Variants in SLC27A5 observed in about 807,000 individuals in gnomAD.
SLC27A5 encodes the protein solute carrier family 27 member 5.
A neutral mutation model predicts 63.1 loss-of-function variants in SLC27A5; 47 were observed. That is an observed-to-expected ratio of 0.74 (90% confidence interval 0.59 to 0.95). The LOEUF (loss-of-function observed/expected upper bound fraction) is 0.95, where lower values mean the gene tolerates loss of function less well. Among genes scored for constraint, SLC27A5 ranks in the 40% least tolerant of loss-of-function variants. The pLI is 0.00. For missense variants in SLC27A5, 940 were observed against 921.0 expected (o/e 1.02, Z -0.27); for synonymous variants, 391 against 403.8 (o/e 0.97, Z 0.38).
intron 3 of SLC27A5, among the ~76,000 whole-genome samples, chr19:58,501,954 A>G (rs538983341): frequency 2.5e-4 from 38 of 152,366 alleles, no homozygotes; most frequent in Non-Finnish European, 4.3e-4. Context: ...CTGTGATTAC[A>G]GGCATGAGCC....
intron 3 of SLC27A5, among the ~76,000 whole-genome samples, chr19:58,505,905 C>A (rs2053340876): frequency 6.6e-6 from 1 of 151,278 alleles, no homozygotes; most frequent in South Asian, 2.1e-4. Flanking sequence ...GTAATCCCAG[C>A]ACTTTGGGAG....
Position 58,511,625 on chromosome 19 carries a change from GC to G in SLC27A5, c.330del (p.Gln111SerfsTer7). 1 of 1,596,250 alleles carries G rather than the reference GC, an allele frequency of 6.3e-7. No homozygotes were observed. The highest frequency in any genetic ancestry group is 1.1e-5 in the South Asian group (1 of 88,920). On this transcript the variant is annotated frameshift_variant, in exon 1 of 10. Transcript: ENST00000263093. LOFTEE classifies it high-confidence loss of function. ...LGLKIRGCLS[R>X]QPPDTFVDAF... ...GCATCTACAAAGGTGTCAGGCGGCT[GC>G]CGGCTCAAGCATCCCCTGATCTTCA... is the stretch of plus-strand genomic sequence containing the variant.
At chr19:58,507,559 A>G (rs775721905) in intron 3 of SLC27A5, 1 of 152,190 alleles carries the variant, frequency 6.6e-6, no homozygotes, top group Non-Finnish European at 1.5e-5. Flanking sequence ...ACATTGAAAA[A>G]GAACAGAATG....
In SLC27A5 at chr19:58,498,709, T is replaced by C; in HGVS notation, c.1897-18A>G. Reference sequence around the variant, plus strand: ...ATGGCGTCCTGCAGGGCAGTGACCATGGTCCAATCACTGTGACATCCACCC... The same window carrying C: ...ATGGCGTCCTGCAGGGCAGTGACCACGGTCCAATCACTGTGACATCCACCC... On this transcript the variant is annotated intron_variant, in intron 9 of 9. Coordinates refer to ENST00000263093, the MANE Select transcript of SLC27A5 (RefSeq NM_012254.3). 1 of 1,612,024 alleles carries C rather than the reference T, an allele frequency of 6.2e-7. No individual in the cohort carries two copies. Among genetic ancestry groups the C allele is most frequent in the African/African-American group, 1.3e-5 (1 of 75,008 alleles).
In SLC27A5 at chr19:58,498,681, T is replaced by C; in HGVS notation, c.1907A>G (p.Glu636Gly). The part of the protein sequence containing the change: ...PHFIRIQDAM[E>G]VTSTFKLMKT... ...CATCAGTTTGAACGTGCTGGTGACCTCCATGGCGTCCTGCAGGGCAGTGAC... is the reference window on the plus strand; with the variant it reads ...CATCAGTTTGAACGTGCTGGTGACCCCCATGGCGTCCTGCAGGGCAGTGAC... Residue 636 changes from glutamate to glycine, a missense_variant, in exon 10 of 10, where the codon GAG becomes GGG. Coordinates refer to ENST00000263093, the MANE Select transcript of SLC27A5 (RefSeq NM_012254.3). The C allele has an allele frequency of 6.2e-7, 1 of 1,613,888 alleles. No homozygotes were observed. Among genetic ancestry groups the C allele is most frequent in the African/African-American group, 1.3e-5 (1 of 75,046 alleles).
intron 2 of SLC27A5, 140 bp from the exon 3 acceptor site, chr19:58,510,145 G>GGTT: frequency 1.2e-6 from 1 of 805,680 alleles, no homozygotes; most frequent in Non-Finnish European, 1.9e-6. Context: ...AGGGATTTGT[G>GGTT]GTTGGGTTCA....
Position 58,500,381 on chromosome 19 carries a change from G to C in SLC27A5, c.1426C>G (p.Pro476Ala), listed in dbSNP as rs1555793686. 4 of 1,613,590 alleles carry C rather than the reference G, an allele frequency of 2.5e-6. No individual in the cohort carries two copies. The highest frequency in any genetic ancestry group is 2.2e-5 in the South Asian group (2 of 91,078). Reference sequence around the variant, plus strand: ...CAGAAGCCCTGATTGTCCCTCACAGGCTCCGCCGCCTCCATGTCGAACTGC... The same window carrying C: ...CAGAAGCCCTGATTGTCCCTCACAGCCTCCGCCGCCTCCATGTCGAACTGC... ...LVQFDMEAAE[P>A]VRDNQGFCIP... The change falls in exon 6 of 10, where the codon CCT becomes GCT. Residue 476 changes from proline (P) to alanine (A), a missense_variant. Physicochemically the swap from Pro to Ala is conservative, Grantham distance 27 (BLOSUM62 -1). Coordinates refer to ENST00000263093, the MANE Select transcript of SLC27A5 (RefSeq NM_012254.3).
At chr19:58,500,187 G>C in intron 6 of SLC27A5, 152 bp downstream of exon 6, 1 of 652,820 alleles carries the variant, frequency 1.5e-6, no homozygotes. Context: ...CCAGATGGTG[G>C]TAAGGCAGGC....
At chr19:58,503,851 A>T (rs947839436) in intron 3 of SLC27A5, among the ~76,000 whole-genome samples, 2 of 152,190 alleles carry the variant, frequency 1.3e-5, no homozygotes, top group Non-Finnish European at 2.9e-5. Flanking sequence ...AGTAGCTCAC[A>T]CCTGTAATCT....
intron 3 of SLC27A5, among the ~76,000 whole-genome samples, chr19:58,502,944 C>T (rs547378838): frequency 4.6e-4 from 70 of 152,124 alleles, no homozygotes; most frequent in Middle Eastern, 3.4e-3. Flanking sequence ...AGGATCGTCA[C>T]GCCTGTAATC....
At chr19:58,499,901 A>C (rs545417003) in intron 6 of SLC27A5, among the ~76,000 whole-genome samples, 1 of 152,226 alleles carries the variant, frequency 6.6e-6, no homozygotes, top group South Asian at 2.1e-4. Context: ...AGTATAGAGA[A>C]GGCGGTATGG....
Position 58,498,505 on chromosome 19 carries a change from G to T in SLC27A5, c.*10C>A. ...GCTTTGATCCCTACCCCAGTGGGTT[G>T]GCCAGGTGATCAGAGCCTCCAGGTT... is the stretch of plus-strand genomic sequence containing the variant. On this transcript the variant is annotated 3_prime_UTR_variant, in exon 10 of 10. Coordinates refer to ENST00000263093, the MANE Select transcript of SLC27A5 (RefSeq NM_012254.3). 1 of 1,604,888 alleles carries T rather than the reference G, an allele frequency of 6.2e-7. No homozygotes were observed. Among genetic ancestry groups the T allele is most frequent in the Non-Finnish European group, 8.5e-7 (1 of 1,174,108 alleles).
chr19:58,503,904 G>C (rs549523369), intron 3 of SLC27A5, among the ~76,000 whole-genome samples: 40 of 152,334 alleles, frequency 2.6e-4, no homozygotes, highest in African/African-American at 9.4e-4. Context: ...CTTGAGGCCA[G>C]AAGTTCAAGA....
chr19:58,502,939 C>A (rs62117656), intron 3 of SLC27A5, among the ~76,000 whole-genome samples: 1 of 151,742 alleles, frequency 6.6e-6, no homozygotes, highest in Non-Finnish European at 1.5e-5. Flanking sequence ...GGGTGAGGAT[C>A]GTCACGCCTG....
rs2053260784 is a variant in SLC27A5 at position 58,500,435 on chromosome 19, G to A, written c.1378-6C>T. 2.5e-6 allele frequency: 4 copies of A among 1,613,812 alleles called. No homozygotes were observed. Among genetic ancestry groups the A allele is most frequent in the Middle Eastern group, 3.3e-4 (2 of 6,062 alleles). Reference sequence around the variant, plus strand: ...AGCTCAAAGGGGGACAGCATCTGGGGTGGAGGGTGGAGTGTTGACATAGGT... The same window carrying A: ...AGCTCAAAGGGGGACAGCATCTGGGATGGAGGGTGGAGTGTTGACATAGGT... On this transcript the variant is annotated splice_region_variant and splice_polypyrimidine_tract_variant and intron_variant, in intron 5 of 9. Coordinates refer to ENST00000263093, the MANE Select transcript of SLC27A5 (RefSeq NM_012254.3).
chr19:58,509,669 G>T lies in SLC27A5; in HGVS notation c.1057+178C>A, dbSNP rs1600044755. 2.9e-5 allele frequency: 16 copies of T among 558,084 alleles called. No homozygotes were observed. In the East Asian group the frequency reaches 5.0e-4, roughly 17 times the overall value. The allele number at this position is 558,084 out of a possible 1,614,324, so 34.6% of individuals were successfully genotyped here. A position where few individuals can be genotyped will look rare whatever the true frequency, so the allele number is the denominator to read the frequency against. On this transcript the variant is annotated intron_variant, in intron 3 of 9. Coordinates refer to ENST00000263093, the MANE Select transcript of SLC27A5 (RefSeq NM_012254.3). ...GACCAAAGCATGGCCATCAGGGACTGTGTGGGTGTCCAAGCTTCTGTCCAT... is the reference window on the plus strand; with the variant it reads ...GACCAAAGCATGGCCATCAGGGACTTTGTGGGTGTCCAAGCTTCTGTCCAT...
At chr19:58,504,112 C>T (rs552632886) in intron 3 of SLC27A5, among the ~76,000 whole-genome samples, 49 of 152,228 alleles carry the variant, frequency 3.2e-4, no homozygotes, top group Admixed American at 2.8e-3. Context: ...AAGACTCTGT[C>T]TCTAAAAACA....
At chr19:58,504,230 T>C (rs1275666601) in intron 3 of SLC27A5, among the ~76,000 whole-genome samples, 1 of 152,234 alleles carries the variant, frequency 6.6e-6, no homozygotes, top group South Asian at 2.1e-4. Context: ...GATATTAATG[T>C]TGTTACGTGT....
intron 3 of SLC27A5, 140 bp downstream of exon 3, chr19:58,509,707 G>T: frequency 1.4e-6 from 1 of 735,814 alleles, no homozygotes; most frequent in African/African-American, 1.8e-5. Flanking sequence ...GGCCCTGGTA[G>T]TCATTGGTGG....
Sources: gnomAD v4.1 joint callset for allele counts (sites outside exome capture counted in the v4.1 genomes callset) on GRCh38, gnomAD v4.1.1 for gene constraint, MANE v1.5 for transcripts, NCBI Gene and HGNC (gene_info 2026-07-23, HGNC 2026-07-21) for gene names.